Variants in ZNF521 observed in about 807,000 individuals in gnomAD.
ZNF521 encodes zinc finger protein 521, also known as LYST-interacting protein 3.
ZNF521 carries 14 observed loss-of-function variants against 105.5 expected under a neutral mutation model. The observed-to-expected ratio is 0.13, with a 90% confidence interval of 0.09 to 0.21. ZNF521 has a LOEUF of 0.21. ZNF521 is among the 10% of genes least tolerant of loss of function. The pLI is 1.00. For missense variants in ZNF521, 1,233 were observed against 1,629.7 expected (o/e 0.76, Z 4.19); for synonymous variants, 635 against 606.0 (o/e 1.05, Z -0.70).
chr18:25,065,915 C>T (rs1026420956), intron 7 of ZNF521, among the ~76,000 whole-genome samples: 3 of 152,184 alleles, frequency 2.0e-5, no homozygotes, highest in Non-Finnish European at 4.4e-5. Context: ...ACATCACTTA[C>T]TACAACAGAC....
intron 5 of ZNF521, among the ~76,000 whole-genome samples, chr18:25,123,533 T>C (rs1165056761): frequency 6.6e-6 from 1 of 152,158 alleles, no homozygotes; most frequent in East Asian, 1.9e-4. Flanking sequence ...GATGCAACTA[T>C]TCACTGTAAA....
intron 5 of ZNF521, among the ~76,000 whole-genome samples, chr18:25,115,103 A>G (rs1003895984): frequency 6.6e-6 from 1 of 152,184 alleles, no homozygotes; most frequent in African/African-American, 2.4e-5. Context: ...GAAGGCATCC[A>G]TTTGTTACTT....
At chr18:25,324,696 G>T (rs1913116097) in intron 2 of ZNF521, among the ~76,000 whole-genome samples, 1 of 152,170 alleles carries the variant, frequency 6.6e-6, no homozygotes, top group African/African-American at 2.4e-5. Flanking sequence ...TTGCAGACCT[G>T]TTTGTTTTTA....
At chr18:25,189,445 A>G (rs2035781260) in intron 5 of ZNF521, among the ~76,000 whole-genome samples, 1 of 152,182 alleles carries the variant, frequency 6.6e-6, no homozygotes, top group Admixed American at 6.5e-5. Flanking sequence ...CATACTAAGC[A>G]ATAACACTTC....
At chr18:25,210,394 A>T (rs761334524) in intron 4 of ZNF521, among the ~76,000 whole-genome samples, 2 of 152,160 alleles carry the variant, frequency 1.3e-5, no homozygotes, top group Non-Finnish European at 2.9e-5. Flanking sequence ...CCATGCCCAC[A>T]GCAGCAATCT....
intron 5 of ZNF521, among the ~76,000 whole-genome samples, chr18:25,122,271 T>A: frequency 1.3e-5 from 2 of 151,392 alleles, no homozygotes; most frequent in Non-Finnish European, 2.9e-5. Flanking sequence ...TGAAAAAAAA[T>A]GAACAAAGTA....
In ZNF521 at chr18:25,267,711, C is replaced by T. The variant is rs149438426; in HGVS notation, c.221-40014G>A. 7.2e-5 allele frequency among the ~76,000 whole-genome samples: 11 copies of T among 152,244 alleles called. No individual in the cohort carries two copies. In the East Asian group the frequency reaches 1.9e-3, roughly 27 times the overall value. ...GCCTGACTGTTAGAAGGAAAACTAA[C>T]AAACAGAAAAGAAACAGCATCAGTA... is the stretch of plus-strand genomic sequence containing the variant. On this transcript the variant is annotated intron_variant, in intron 3 of 7. Coordinates refer to ENST00000361524, the MANE Select transcript of ZNF521 (RefSeq NM_015461.3).
chr18:25,212,987 G>T (rs1238440077), intron 4 of ZNF521, among the ~76,000 whole-genome samples: 1 of 151,362 alleles, frequency 6.6e-6, no homozygotes. Flanking sequence ...ACCTGTATAT[G>T]ACATTATAAT....
rs1905309260 is a variant in ZNF521, at chr18:25,216,099, T to G, written c.3573+8246A>C. On this transcript the variant is annotated intron_variant, in intron 4 of 7. Coordinates refer to ENST00000361524, the MANE Select transcript of ZNF521 (RefSeq NM_015461.3). ...TTAGCAAAACTTAGTATCAGCAATTTGAAATTTGAAAACTTTAAAATATTT... is the reference window on the plus strand; with the variant it reads ...TTAGCAAAACTTAGTATCAGCAATTGGAAATTTGAAAACTTTAAAATATTT... Among the ~76,000 whole-genome samples, 3 of 152,234 alleles carry G rather than the reference T, an allele frequency of 2.0e-5. No homozygotes were observed. The South Asian group carries it at 6.2e-4, about 31-fold the overall frequency.
chr18:25,225,339 G>C lies in ZNF521; in HGVS notation c.2579C>G (p.Thr860Ser), dbSNP rs1906045034. 1 of 1,614,062 alleles carries C rather than the reference G, an allele frequency of 6.2e-7. No homozygotes were observed. The highest frequency in any genetic ancestry group is 1.3e-5 in the African/African-American group (1 of 74,932). Reference sequence around the variant, plus strand: ...GGACTCCTGGCTGTTGGTCAGCAAAGTCTGCAGCTCCACTTCCTCTTTCTG... The same window carrying C: ...GGACTCCTGGCTGTTGGTCAGCAAACTCTGCAGCTCCACTTCCTCTTTCTG... The part of the protein sequence containing the change: ...QVQKEEVELQ[T>S]LLTNSQESHN... The change falls in exon 4 of 8, where the codon ACT becomes AGT. Residue 860 changes from threonine to serine, a missense_variant. By Grantham distance (58) the Thr-to-Ser change is moderately conservative. This residue lies in a region of ZNF521 where 614 missense variants were observed against 751.5 expected (regional missense o/e 0.82). Coordinates refer to ENST00000361524, the MANE Select transcript of ZNF521 (RefSeq NM_015461.3). This position sits in a 1 kb window ranked among gnomAD's most constrained non-coding sequence, Gnocchi z 5.6.
At chr18:25,276,496 T>C (rs557897229) in intron 3 of ZNF521, among the ~76,000 whole-genome samples, 1 of 152,148 alleles carries the variant, frequency 6.6e-6, no homozygotes, top group Non-Finnish European at 1.5e-5. Context: ...CAATGTAAAA[T>C]ATCACTTTAA....
chr18:25,222,219 A>T (rs1351424962), intron 4 of ZNF521, among the ~76,000 whole-genome samples: 4 of 152,162 alleles, frequency 2.6e-5, no homozygotes, highest in Non-Finnish European at 5.9e-5. Context: ...CAAGTATTTT[A>T]AAAAATATTT....
chr18:25,341,205 G>A (rs1914182365), intron 2 of ZNF521, among the ~76,000 whole-genome samples: 1 of 152,166 alleles, frequency 6.6e-6, no homozygotes, highest in South Asian at 2.1e-4. Context: ...GGGAAAAATA[G>A]TCAAACCTGC....
chr18:25,143,682 A>G (rs2034892590), intron 5 of ZNF521, among the ~76,000 whole-genome samples: 1 of 152,166 alleles, frequency 6.6e-6, no homozygotes. Context: ...TCTATTATTT[A>G]AAAATTTAAA....
intron 7 of ZNF521, among the ~76,000 whole-genome samples, chr18:25,063,467 C>A (rs1487972278): frequency 1.3e-5 from 2 of 152,136 alleles, no homozygotes; most frequent in South Asian, 2.1e-4. Context: ...GTGGTCCCTG[C>A]TCATCTATGC....
chr18:25,188,918 A>T (rs2035772466), intron 5 of ZNF521, among the ~76,000 whole-genome samples: 1 of 152,254 alleles, frequency 6.6e-6, no homozygotes, highest in Non-Finnish European at 1.5e-5. Context: ...CAGAAAATTA[A>T]CATCATAAGA....
chr18:25,092,562 G>A (rs2033768738), intron 5 of ZNF521, among the ~76,000 whole-genome samples: 1 of 152,130 alleles, frequency 6.6e-6, no homozygotes, highest in African/African-American at 2.4e-5. Flanking sequence ...AAGAATTTCT[G>A]GCAATTTTGA....
intron 2 of ZNF521, chr18:25,327,746 G>A (rs1568080862): frequency 3.9e-6 from 2 of 512,416 alleles, no homozygotes; most frequent in Non-Finnish European, 3.9e-6. Flanking sequence ...GTTATAAAAT[G>A]GCAAGCAGAC....
intron 3 of ZNF521, among the ~76,000 whole-genome samples, chr18:25,266,667 A>C (rs541464737): frequency 6.6e-6 from 1 of 152,200 alleles, no homozygotes; most frequent in African/African-American, 2.4e-5. Context: ...TCCCTCCCCT[A>C]GCCAAGGGAA....
Sources: gnomAD v4.1 joint callset for allele counts (sites outside exome capture counted in the v4.1 genomes callset) on GRCh38, gnomAD v4.1.1 for gene constraint, gnomAD v4.1.1 regional missense constraint, Gnocchi (gnomAD v3.1) non-coding constraint, MANE v1.5 for transcripts, NCBI Gene and HGNC (gene_info 2026-07-23, HGNC 2026-07-21) for gene names.